Variants in RANBP2 observed in about 807,000 individuals in gnomAD.
RANBP2 encodes RAN binding protein 2.
Under a neutral mutation model 303.6 loss-of-function variants are expected in RANBP2, and 57 were observed. The ratio of observed to expected loss-of-function variants is 0.19; its 90% CI spans 0.15 to 0.23. The LOEUF (loss-of-function observed/expected upper bound fraction) is 0.23. RANBP2 is among the 10% of genes least tolerant of loss of function. The pLI is 1.00. For missense variants in RANBP2, 3,138 were observed against 3,780.8 expected (o/e 0.83, Z 4.46); for synonymous variants, 1,167 against 1,301.5 (o/e 0.90, Z 2.23).
chr2:108,824,255 T>C, the RANBP2 span, among the ~76,000 whole-genome samples: 1 of 152,194 alleles, frequency 6.6e-6, no homozygotes, highest in African/African-American at 2.4e-5. Flanking sequence ...TTTTTGACTC[T>C]GTAATATTAA....
chr2:109,170,537 G>T, the RANBP2 span, among the ~76,000 whole-genome samples: 59,521 of 151,692 alleles, frequency 0.39, 15,016 homozygotes, highest in Non-Finnish European at 0.56. Context: ...GTAGAGATGG[G>T]GTTTCACTAT....
At chr2:108,875,948 C>A in the RANBP2 span, 1 of 577,518 alleles carries the variant, frequency 1.7e-6, no homozygotes, top group Non-Finnish European at 3.0e-6. Flanking sequence ...GCATTCTAAT[C>A]TTTTAGTTGC....
chr2:108,879,687 C>G, the RANBP2 span, among the ~76,000 whole-genome samples: 3 of 151,952 alleles, frequency 2.0e-5, no homozygotes, highest in Non-Finnish European at 4.4e-5. Flanking sequence ...TTAATTGTTA[C>G]CATTTTATAG....
At chr2:109,165,580 A>G in the RANBP2 span, among the ~76,000 whole-genome samples, 1 of 152,200 alleles carries the variant, frequency 6.6e-6, no homozygotes, top group East Asian at 1.9e-4. Flanking sequence ...AGCAAAACCC[A>G]GAACATTTTG....
the RANBP2 span, among the ~76,000 whole-genome samples, chr2:109,178,543 T>C: frequency 1.1e-4 from 17 of 152,350 alleles, no homozygotes; most frequent in East Asian, 2.1e-3. Flanking sequence ...ATGTTTTATT[T>C]ATGTCAACTC....
the RANBP2 span, among the ~76,000 whole-genome samples, chr2:109,374,889 G>A: frequency 5.9e-5 from 9 of 152,294 alleles, no homozygotes; most frequent in East Asian, 1.7e-3. Context: ...AGCCCACGGT[G>A]GACCTCACAA....
At chr2:109,408,873 G>A in the RANBP2 span, among the ~76,000 whole-genome samples, 2 of 152,206 alleles carry the variant, frequency 1.3e-5, no homozygotes, top group Admixed American at 6.5e-5. Context: ...GGGGTCCAGG[G>A]CCTTCCTACC....
chr2:108,723,763 G>A (rs1193802329), intron 1 of RANBP2, among the ~76,000 whole-genome samples: 1 of 152,006 alleles, frequency 6.6e-6, no homozygotes, highest in African/African-American at 2.4e-5. Flanking sequence ...GTTTTTCCTG[G>A]ACTGAATAAT....
the RANBP2 span, among the ~76,000 whole-genome samples, chr2:109,698,428 T>C: frequency 6.6e-6 from 1 of 150,502 alleles, no homozygotes; most frequent in Non-Finnish European, 1.5e-5. Context: ...ATCGCGCCAC[T>C]GCACTCCAGC....
At chr2:109,474,850 C>T in the RANBP2 span, among the ~76,000 whole-genome samples, 1 of 152,260 alleles carries the variant, frequency 6.6e-6, no homozygotes, top group Non-Finnish European at 1.5e-5. Flanking sequence ...AAAGTCTACA[C>T]TCACTCATAG....
the RANBP2 span, chr2:109,490,949 G>C: frequency 6.8e-7 from 1 of 1,468,082 alleles, no homozygotes; most frequent in Admixed American, 2.2e-5. Flanking sequence ...AAGTGCAGGG[G>C]CTTGTCTGCT....
chr2:109,396,812 G>A, the RANBP2 span, among the ~76,000 whole-genome samples: 1 of 152,256 alleles, frequency 6.6e-6, no homozygotes, highest in East Asian at 1.9e-4. Context: ...TGGCCACAGA[G>A]CGGGCGTGAC....
chr2:109,345,165 T>C, the RANBP2 span, among the ~76,000 whole-genome samples: 1 of 152,204 alleles, frequency 6.6e-6, no homozygotes, highest in Admixed American at 6.5e-5. Flanking sequence ...TCAGTCTCTC[T>C]GGCTCTGCAC....
At chr2:109,425,039 C>T in the RANBP2 span, among the ~76,000 whole-genome samples, 2,302 of 152,264 alleles carry the variant, frequency 0.015, 62 homozygotes, top group African/African-American at 0.053. Context: ...AGGGAACACA[C>T]GAATTATAAG....
At chr2:109,324,740 G>A in the RANBP2 span, among the ~76,000 whole-genome samples, 1 of 152,180 alleles carries the variant, frequency 6.6e-6, no homozygotes, top group African/African-American at 2.4e-5. Context: ...TGCTGCATAA[G>A]CGCCAAATGA....
the RANBP2 span, among the ~76,000 whole-genome samples, chr2:109,466,342 A>G: frequency 6.6e-6 from 1 of 151,966 alleles, no homozygotes; most frequent in African/African-American, 2.4e-5. Flanking sequence ...CGGCCTCCCA[A>G]AGTGCTGGGA....
At chr2:109,623,512 G>T in the RANBP2 span, among the ~76,000 whole-genome samples, 1 of 152,216 alleles carries the variant, frequency 6.6e-6, no homozygotes, top group Non-Finnish European at 1.5e-5. Context: ...ATCTCTAAGA[G>T]GGTGACCTAT....
At chr2:109,422,231 G>A in the RANBP2 span, among the ~76,000 whole-genome samples, 1 of 152,228 alleles carries the variant, frequency 6.6e-6, no homozygotes, top group Non-Finnish European at 1.5e-5. Flanking sequence ...TTGCGGGTCT[G>A]CAGAGAATGA....
the RANBP2 span, chr2:108,884,761 AG>A: frequency 6.6e-6 from 1 of 152,152 alleles, no homozygotes; most frequent in African/African-American, 2.4e-5. Context: ...CAGCTGGGAA[AG>A]GCCACTTGAC....
Sources: allele counts gnomAD v4.1 joint callset (sites outside exome capture counted in the v4.1 genomes callset), GRCh38; gene constraint gnomAD v4.1.1; transcripts MANE v1.5; gene names NCBI Gene and HGNC (gene_info 2026-07-23, HGNC 2026-07-21).